Variants in CFAP70 observed in about 807,000 individuals in gnomAD.
CFAP70 encodes cilia and flagella associated protein 70.
In CFAP70, 81 loss-of-function variants were observed where a neutral mutation model predicts 137.6. The ratio of observed to expected loss-of-function variants is 0.59; its 90% CI spans 0.49 to 0.71. The LOEUF is 0.71. Among genes scored for constraint, CFAP70 ranks in the 30% least tolerant of loss-of-function variants. The pLI is 0.00. For synonymous variants in CFAP70, 382 were observed against 423.6 expected, an observed-to-expected ratio of 0.90 and a Z score of 1.20; for missense variants, 976 against 1,226.7, an observed-to-expected ratio of 0.80 and a Z score of 3.05.
chr10:73,285,409 C>CT (rs1307528084), intron 19 of CFAP70, among the ~76,000 whole-genome samples: 5 of 152,122 alleles, frequency 3.3e-5, no homozygotes, highest in Middle Eastern at 3.4e-3. Flanking sequence ...ATCAAAAAAC[C>CT]TTTGAAGGAC....
intron 6 of CFAP70, among the ~76,000 whole-genome samples, chr10:73,340,938 G>A (rs2053193652): frequency 6.6e-6 from 1 of 152,144 alleles, no homozygotes; most frequent in African/African-American, 2.4e-5. Context: ...CACATGGGAG[G>A]GCACTTGTTC....
At chr10:73,255,736 G>A (rs7922569) in intron 26 of CFAP70, among the ~76,000 whole-genome samples, 7,269 of 151,808 alleles carry the variant, frequency 0.048, 536 homozygotes, top group African/African-American at 0.16. Flanking sequence ...TAGTAGAGAC[G>A]GGGTTTCACC....
chr10:73,341,697 A>G, intron 5 of CFAP70, 116 bp from the exon 7 acceptor site: 1 of 849,138 alleles, frequency 1.2e-6, no homozygotes, highest in Non-Finnish European at 1.8e-6. Context: ...ATACCCCTCT[A>G]CGATTAATCT....
chr10:73,302,147 G>A (rs916522491), intron 12 of CFAP70, among the ~76,000 whole-genome samples: 1 of 152,080 alleles, frequency 6.6e-6, no homozygotes, highest in Non-Finnish European at 1.5e-5. Flanking sequence ...AAATATAAAT[G>A]TGGGAGCCAT....
intron 6 of CFAP70, among the ~76,000 whole-genome samples, chr10:73,340,720 T>C (rs1240148964): frequency 1.3e-5 from 2 of 152,232 alleles, no homozygotes; most frequent in Non-Finnish European, 2.9e-5. Context: ...GTGTCAGCAC[T>C]TCCCTGAGCA....
Position 73,275,975 on chromosome 10 carries a change from A to G in CFAP70, c.2521-377T>C, listed in dbSNP as rs1251016960. 6.4e-6 allele frequency: 1 copy of G among 156,492 alleles called. No homozygotes were observed. Among genetic ancestry groups the G allele is most frequent in the Non-Finnish European group, 1.4e-5 (1 of 70,986 alleles). The allele number at this position is 156,492 out of a possible 1,614,324, so 9.7% of individuals were successfully genotyped here. A position where few individuals can be genotyped will look rare whatever the true frequency, so the allele number is the denominator to read the frequency against. On this transcript the variant is annotated intron_variant, in intron 21 of 26. Transcript: ENST00000310715. This position sits in a 1 kb window ranked among gnomAD's most constrained non-coding sequence, Gnocchi z 4.0. The stretch of plus-strand genomic sequence containing the variant: ...GGCAGCTGACATTGTAAGGAAACTT[A>G]AGTGAGGTAAAACTGCCTTTCTAAC...
intron 7 of CFAP70, among the ~76,000 whole-genome samples, chr10:73,332,792 A>G (rs2052254007): frequency 6.6e-6 from 1 of 152,202 alleles, no homozygotes; most frequent in South Asian, 2.1e-4. Flanking sequence ...TAACCAGATT[A>G]ACATAAAACC....
chr10:73,347,367 G>A (rs1221716042), intron 4 of CFAP70, among the ~76,000 whole-genome samples: 3 of 152,130 alleles, frequency 2.0e-5, no homozygotes, highest in Non-Finnish European at 4.4e-5. Flanking sequence ...AGGTAGGTAC[G>A]AGGCTATTTG....
intron 7 of CFAP70, 135 bp downstream of exon 8, chr10:73,335,295 T>C (rs2052538524): frequency 3.4e-6 from 2 of 583,856 alleles, no homozygotes; most frequent in South Asian, 2.4e-5. Flanking sequence ...CACTCTAATA[T>C]ATAGATGTGA....
intron 12 of CFAP70, among the ~76,000 whole-genome samples, chr10:73,303,630 A>G (rs145129069): frequency 2.2e-3 from 334 of 152,366 alleles, no homozygotes; most frequent in Middle Eastern, 6.8e-3. Context: ...TTCTCACAAA[A>G]AAGTCCAAAA....
intron 26 of CFAP70, among the ~76,000 whole-genome samples, chr10:73,254,918 A>T (rs2044316119): frequency 6.6e-6 from 1 of 152,174 alleles, no homozygotes; most frequent in Non-Finnish European, 1.5e-5. Context: ...ATGAGAAAAA[A>T]CTAATTTGTT....
chr10:73,341,952 C>T (rs1482625265), intron 5 of CFAP70, among the ~76,000 whole-genome samples: 1 of 152,162 alleles, frequency 6.6e-6, no homozygotes, highest in Non-Finnish European at 1.5e-5. Context: ...TTTACTGATT[C>T]CCTCATTAAT....
At chr10:73,326,814 A>G (rs1354459613) in intron 8 of CFAP70, among the ~76,000 whole-genome samples, 1 of 152,136 alleles carries the variant, frequency 6.6e-6, no homozygotes, top group East Asian at 1.9e-4. Flanking sequence ...GAATAGACCA[A>G]TAACAGGCTC....
rs545416933 is a variant in CFAP70, at chr10:73,269,354, G to A, written c.3027+260C>T. On this transcript the variant is annotated intron_variant, in intron 25 of 26. Transcript: ENST00000310715. ...ATCTCCTTCATCAATCTGTGACCTA[G>A]TTTATGTTGTGATACAATATTGCTC... Among the ~76,000 whole-genome samples the A allele has an allele frequency of 3.3e-5, 5 of 152,288 alleles. No homozygotes were observed. In the East Asian group the frequency reaches 9.6e-4, roughly 29 times the overall value.
At chr10:73,272,163 C>A (rs914273530) in intron 24 of CFAP70, among the ~76,000 whole-genome samples, 1 of 151,930 alleles carries the variant, frequency 6.6e-6, no homozygotes, top group Non-Finnish European at 1.5e-5. Context: ...GGTGAAACCC[C>A]ATCTCTACTA....
chr10:73,351,953 C>T (rs2054312153), intron 3 of CFAP70, among the ~76,000 whole-genome samples: 1 of 152,262 alleles, frequency 6.6e-6, no homozygotes, highest in Non-Finnish European at 1.5e-5. Context: ...ACTCAGCCTC[C>T]TCTGACACCT....
intron 19 of CFAP70, 75 bp downstream of exon 20, chr10:73,291,151 A>G (rs188669060): frequency 7.5e-7 from 1 of 1,340,450 alleles, no homozygotes; most frequent in Non-Finnish European, 1.1e-6. Flanking sequence ...GGTTGCTAGG[A>G]CTACAGGTGT....
chr10:73,322,158 C>T (rs2050920861), intron 9 of CFAP70, among the ~76,000 whole-genome samples: 1 of 152,170 alleles, frequency 6.6e-6, no homozygotes, highest in South Asian at 2.1e-4. Flanking sequence ...ATAAACCATA[C>T]ATATTTAAAG....
In CFAP70 at chr10:73,312,615, T is replaced by C. The variant is rs193197993; in HGVS notation, c.941A>G (p.Asp314Gly). 692 of 1,598,466 alleles carry C rather than the reference T, an allele frequency of 4.3e-4. 11 individuals carry two copies. In the East Asian group the frequency reaches 0.015, roughly 36 times the overall value. Reference sequence around the variant, plus strand: ...ATTATGAATCAAGTGATGGCCAATATCCCGGAACAAGCTCAATAAACATTT... The same window carrying C: ...ATTATGAATCAAGTGATGGCCAATACCCCGGAACAAGCTCAATAAACATTT... The change falls in exon 10 of 27, where the codon GAT becomes GGT. Residue 314 changes from aspartate to glycine, a missense_variant. Asp to Gly is a moderately conservative substitution (Grantham distance 94, BLOSUM62 -1). Coordinates refer to ENST00000310715, the Ensembl canonical transcript of CFAP70.
Sources: gnomAD v4.1 joint callset for allele counts (sites outside exome capture counted in the v4.1 genomes callset) on GRCh38, gnomAD v4.1.1 for gene constraint, Gnocchi (gnomAD v3.1) non-coding constraint, MANE v1.5 for transcripts, NCBI Gene and HGNC (gene_info 2026-07-23, HGNC 2026-07-21) for gene names.